The following OSBPL1A variants were observed in gnomAD, a reference collection of about 807,000 sequenced individuals.
The protein encoded by OSBPL1A is oxysterol-binding protein-related protein 1.
Under a neutral mutation model 137.1 loss-of-function variants are expected in OSBPL1A, and 80 were observed. That is an observed-to-expected ratio of 0.58 (90% CI 0.49 to 0.70). OSBPL1A has a LOEUF of 0.70. Ranked by LOEUF, OSBPL1A falls within the 30% of genes least tolerant of loss-of-function variation. The probability of loss-of-function intolerance (pLI) is 0.00; values close to 1 mark genes in which losing one functional copy is unlikely to be tolerated. For missense variants in OSBPL1A, 970 were observed against 1,129.4 expected (o/e 0.86, Z 2.02); for synonymous variants, 365 against 389.7 (o/e 0.94, Z 0.75).
chr18:24,321,844 T>C (rs1309911362), intron 7 of OSBPL1A: 7 of 396,634 alleles, frequency 1.8e-5, no homozygotes, highest in Non-Finnish European at 3.4e-5. Context: ...GTGGCCATTA[T>C]TGCTAAGTTC....
chr18:24,210,094 A>G (rs2087487934), intron 17 of OSBPL1A, among the ~76,000 whole-genome samples: 1 of 152,176 alleles, frequency 6.6e-6, no homozygotes, highest in Non-Finnish European at 1.5e-5. Flanking sequence ...CATTTCTCAA[A>G]CTTTTGGTCT....
intron 16 of OSBPL1A, among the ~76,000 whole-genome samples, chr18:24,235,742 T>C (rs1416608703): frequency 6.6e-6 from 1 of 152,198 alleles, no homozygotes; most frequent in Non-Finnish European, 1.5e-5. Context: ...AGATATAAAT[T>C]TGGGGACTGT....
At chr18:24,358,390 C>T in intron 4 of OSBPL1A, 3 of 686,908 alleles carry the variant, frequency 4.4e-6, no homozygotes. Context: ...GAGCCGGCAG[C>T]ACTACTTGAC....
At chr18:24,171,742 CTCTT>C (rs2086293107) in intron 22 of OSBPL1A, among the ~76,000 whole-genome samples, 1 of 152,226 alleles carries the variant, frequency 6.6e-6, no homozygotes, top group East Asian at 1.9e-4. Flanking sequence ...GGGAGCCCAG[CTCTT>C]TCTAGTAACT....
At chr18:24,294,004 G>C (rs984855638) in intron 14 of OSBPL1A, among the ~76,000 whole-genome samples, 4 of 152,086 alleles carry the variant, frequency 2.6e-5, no homozygotes, top group African/African-American at 9.7e-5. Context: ...CAGATTTTGA[G>C]GAAACAGTTT....
chr18:24,301,635 A>T (rs942715383), intron 14 of OSBPL1A, among the ~76,000 whole-genome samples: 1 of 152,256 alleles, frequency 6.6e-6, no homozygotes, highest in Non-Finnish European at 1.5e-5. Context: ...TATGTGAATT[A>T]TACCAAATAT....
At chr18:24,283,742 G>A (rs941970999) in intron 14 of OSBPL1A, among the ~76,000 whole-genome samples, 4 of 152,146 alleles carry the variant, frequency 2.6e-5, no homozygotes, top group African/African-American at 9.7e-5. Context: ...ATGGCAGGAA[G>A]ATAGAAGCAT....
chr18:24,335,757 T>C (rs979179964), intron 5 of OSBPL1A, among the ~76,000 whole-genome samples: 5 of 152,236 alleles, frequency 3.3e-5, no homozygotes, highest in Admixed American at 6.5e-5. Context: ...GTAATCACTA[T>C]GTGCTAAATG....
chr18:24,258,764 G>A (rs926842639), intron 15 of OSBPL1A, among the ~76,000 whole-genome samples: 2 of 151,868 alleles, frequency 1.3e-5, no homozygotes, highest in Non-Finnish European at 2.9e-5. Context: ...TTAAAAAACA[G>A]AATGCTAAAT....
At chr18:24,234,611 T>C (rs1196760533) in intron 16 of OSBPL1A, among the ~76,000 whole-genome samples, 1 of 152,190 alleles carries the variant, frequency 6.6e-6, no homozygotes, top group Non-Finnish European at 1.5e-5. Context: ...TATGAGTAGA[T>C]TTCCATTGAT....
intron 4 of OSBPL1A, chr18:24,358,591 T>A: frequency 1.4e-6 from 1 of 695,552 alleles, no homozygotes; most frequent in Non-Finnish European, 2.6e-6. Flanking sequence ...TGTCTGGGCA[T>A]CGCCTGAAAC....
chr18:24,163,979 C>A (rs1480456745), intron 27 of OSBPL1A, among the ~76,000 whole-genome samples: 1 of 152,176 alleles, frequency 6.6e-6, no homozygotes, highest in Non-Finnish European at 1.5e-5. Flanking sequence ...ATCTGCCCAC[C>A]TCGGCCTCCC....
At position 24,334,273 on chromosome 18, in the gene OSBPL1A, T is replaced by C; in HGVS notation, c.452A>G (p.Glu151Gly). 6.2e-7 allele frequency: 1 copy of C among 1,612,244 alleles called. No homozygotes were observed. The highest frequency in any genetic ancestry group is 8.5e-7 in the Non-Finnish European group (1 of 1,179,460). The change falls in exon 6 of 28, where the codon GAA becomes GGA. Residue 151 changes from glutamate (E) to glycine (G), a missense_variant. Physicochemically the swap from Glu to Gly is moderately conservative, Grantham distance 98. This residue lies in a region of OSBPL1A where 647 missense variants were observed against 672.6 expected (regional missense o/e 0.96). Transcript: ENST00000319481. Reference sequence around the variant, plus strand: ...AGCTGTGAGTTCTGTTGTTTTGCCTTCTCTTGCTGCTGCTAAAAGTAATTC... The same window carrying C: ...AGCTGTGAGTTCTGTTGTTTTGCCTCCTCTTGCTGCTGCTAAAAGTAATTC... Reference protein sequence around the residue: ...LEELLLAAAREGKTTELTALL... With the variant: ...LEELLLAAARGGKTTELTALL...
intron 17 of OSBPL1A, among the ~76,000 whole-genome samples, chr18:24,203,197 G>A (rs955857437): frequency 1.3e-5 from 2 of 149,216 alleles, no homozygotes; most frequent in African/African-American, 4.9e-5. Context: ...GGCTGGTCTC[G>A]AACTCCTGAC....
At chr18:24,358,468 C>T (rs1454447439) in intron 4 of OSBPL1A, 2 of 702,292 alleles carry the variant, frequency 2.8e-6, no homozygotes, top group Non-Finnish European at 2.6e-6. Context: ...ACTCCATAAA[C>T]CTGCTGCCCA....
At chr18:24,294,218 TTG>T (rs2090246059) in intron 14 of OSBPL1A, among the ~76,000 whole-genome samples, 2 of 140,914 alleles carry the variant, frequency 1.4e-5, no homozygotes, top group African/African-American at 5.5e-5. Flanking sequence ...CAATATGTGG[TTG>T]TTTTTTTTTT....
At position 24,293,129 on chromosome 18, in the gene OSBPL1A, G is replaced by GAAA. The variant is rs376484816; in HGVS notation, c.1174+10505_1174+10507dup. 4.2e-3 allele frequency among the ~76,000 whole-genome samples: 223 copies of GAAA among 52,500 alleles called. 3 individuals are homozygous for GAAA. The highest frequency in any genetic ancestry group is 9.9e-3 in the African/African-American group (118 of 11,862). The allele number at this position is 52,500 out of a possible 152,430, so 34.4% of individuals were successfully genotyped here. Reference sequence around the variant, plus strand: ...CAAAAAAAAAAAAAAAAAAAAAAAAGAAAAGAAAAGAAAAAATTAAAACGT... The same window carrying GAAA: ...CAAAAAAAAAAAAAAAAAAAAAAAAGAAAAAAAGAAAAGAAAAAATTAAAACGT... On this transcript the variant is annotated intron_variant, in intron 14 of 27. Coordinates refer to ENST00000319481, the MANE Select transcript of OSBPL1A (RefSeq NM_080597.4).
chr18:24,241,745 A>G (rs1370858525), intron 15 of OSBPL1A, among the ~76,000 whole-genome samples: 2 of 152,202 alleles, frequency 1.3e-5, no homozygotes, highest in African/African-American at 4.8e-5. Context: ...AGAACCAGAA[A>G]TACCATCTGA....
intron 1 of OSBPL1A, among the ~76,000 whole-genome samples, chr18:24,387,906 C>T (rs1016266073): frequency 6.6e-6 from 1 of 151,978 alleles, no homozygotes; most frequent in African/African-American, 2.4e-5. Flanking sequence ...TCCCTGTTGC[C>T]ACCAGGCCTG....
Sources: allele counts gnomAD v4.1 joint callset (sites outside exome capture counted in the v4.1 genomes callset), GRCh38; gene constraint gnomAD v4.1.1; regional missense constraint gnomAD v4.1.1; transcripts MANE v1.5; gene names NCBI Gene and HGNC (gene_info 2026-07-23, HGNC 2026-07-21).